Variants in SLC20A2 observed in about 807,000 individuals in gnomAD.
SLC20A2 encodes the protein solute carrier family 20 member 2.
In SLC20A2, 30 loss-of-function variants were observed where a neutral mutation model predicts 61.0. That is an observed-to-expected ratio of 0.49 (90% CI 0.37 to 0.67). SLC20A2 has a LOEUF of 0.67. Ranked by LOEUF, SLC20A2 falls within the 30% of genes least tolerant of loss-of-function variation. The pLI, the probability that SLC20A2 is intolerant of heterozygous loss-of-function variation, is 0.00. For synonymous variants in SLC20A2, 351 were observed against 353.3 expected (o/e 0.99, Z 0.07); for missense variants, 626 against 866.4 (o/e 0.72, Z 3.48).
At chr8:42,518,922 A>C (rs998547520) in intron 1 of SLC20A2, among the ~76,000 whole-genome samples, 2 of 152,248 alleles carry the variant, frequency 1.3e-5, no homozygotes, top group Non-Finnish European at 2.9e-5. Flanking sequence ...CTGAAGTTTA[A>C]ATGTGTCCAC....
chr8:42,491,420 G>A (rs917526602), intron 1 of SLC20A2, among the ~76,000 whole-genome samples: 3 of 151,970 alleles, frequency 2.0e-5, no homozygotes, highest in Admixed American at 6.6e-5. Context: ...CAGGAGAATC[G>A]CTTAAACCAG....
At chr8:42,461,027 C>T (rs1342675847) in intron 4 of SLC20A2, among the ~76,000 whole-genome samples, 1 of 152,200 alleles carries the variant, frequency 6.6e-6, no homozygotes, top group African/African-American at 2.4e-5. Flanking sequence ...GTTTGCAGAA[C>T]AGTACAGCCC....
chr8:42,525,357 G>A (rs1811853827), intron 1 of SLC20A2, among the ~76,000 whole-genome samples: 1 of 152,042 alleles, frequency 6.6e-6, no homozygotes, highest in East Asian at 1.9e-4. Flanking sequence ...CGAGGTGGGT[G>A]GATCACTTGA....
intron 1 of SLC20A2, among the ~76,000 whole-genome samples, chr8:42,531,678 C>T (rs1812329825): frequency 6.6e-6 from 1 of 152,142 alleles, no homozygotes; most frequent in Non-Finnish European, 1.5e-5. Flanking sequence ...AGCTTTCCCA[C>T]ACAAGAAACG....
chr8:42,467,712 G>A (rs747391286), intron 2 of SLC20A2, among the ~76,000 whole-genome samples: 3 of 152,136 alleles, frequency 2.0e-5, no homozygotes, highest in Admixed American at 1.3e-4. Flanking sequence ...TAAGGCGTGC[G>A]TTGGGAGGAG....
intron 10 of SLC20A2, among the ~76,000 whole-genome samples, chr8:42,424,705 T>C (rs1310870319): frequency 6.6e-6 from 1 of 152,212 alleles, no homozygotes; most frequent in Non-Finnish European, 1.5e-5. Flanking sequence ...TCACATAATA[T>C]AGTATGGTTT....
intron 4 of SLC20A2, among the ~76,000 whole-genome samples, chr8:42,461,679 T>A (rs1391039310): frequency 6.6e-6 from 1 of 152,132 alleles, no homozygotes; most frequent in African/African-American, 2.4e-5. Flanking sequence ...CTTGAACTCC[T>A]GACCTCAAGT....
intron 6 of SLC20A2, among the ~76,000 whole-genome samples, chr8:42,442,692 T>C (rs1202388240): frequency 6.6e-6 from 1 of 152,234 alleles, no homozygotes; most frequent in Non-Finnish European, 1.5e-5. Context: ...ACTTTCTACA[T>C]GAACTTTAAA....
intron 10 of SLC20A2, among the ~76,000 whole-genome samples, chr8:42,421,851 T>C (rs1316523984): frequency 6.7e-6 from 1 of 148,686 alleles, no homozygotes; most frequent in Non-Finnish European, 1.5e-5. Context: ...TTTTGGCTTA[T>C]ATCTCAACAG....
At chr8:42,450,619 G>A (rs1805571930) in intron 5 of SLC20A2, among the ~76,000 whole-genome samples, 2 of 151,938 alleles carry the variant, frequency 1.3e-5, no homozygotes, top group Admixed American at 6.6e-5. Flanking sequence ...CGCCTCCCAG[G>A]TCCAAGCAAT....
intron 1 of SLC20A2, among the ~76,000 whole-genome samples, chr8:42,517,827 A>C (rs1330721958): frequency 6.6e-6 from 1 of 152,198 alleles, no homozygotes; most frequent in Non-Finnish European, 1.5e-5. Context: ...GAAACTAAGA[A>C]ATCTGACCAA....
chr8:42,540,271 G>A (rs1201348827), intron 1 of SLC20A2, among the ~76,000 whole-genome samples: 2 of 152,126 alleles, frequency 1.3e-5, no homozygotes, highest in African/African-American at 4.8e-5. Context: ...CAGCCTGAAC[G>A]AGAGCAAAAC....
intron 1 of SLC20A2, among the ~76,000 whole-genome samples, chr8:42,520,028 T>TTG (rs1811549468): frequency 6.7e-6 from 1 of 148,702 alleles, no homozygotes; most frequent in Non-Finnish European, 1.5e-5. Flanking sequence ...TTTTTTTTTT[T>TTG]TTTAAGACAG....
At chr8:42,531,499 A>C (rs1812316481) in intron 1 of SLC20A2, among the ~76,000 whole-genome samples, 1 of 152,186 alleles carries the variant, frequency 6.6e-6, no homozygotes, top group South Asian at 2.1e-4. Flanking sequence ...GTTCACATAT[A>C]TTATAATAAT....
At chr8:42,533,667 T>TTTTTTTTTTC (rs1563555754) in intron 1 of SLC20A2, among the ~76,000 whole-genome samples, 1 of 125,094 alleles carries the variant, frequency 8.0e-6, no homozygotes, top group African/African-American at 3.2e-5. Context: ...TTTTTTTTTT[T>TTTTTTTTTTC]TTTTTTTTTG....
At chr8:42,502,797 T>C (rs1455030608), upstream of SLC20A2, among the ~76,000 whole-genome samples, 3 of 152,228 alleles carry the variant, frequency 2.0e-5, no homozygotes, top group South Asian at 6.2e-4. Context: ...ATGAACAGAA[T>C]TATTCTCAAT....
chr8:42,460,952 GA>G (rs1286027717), intron 4 of SLC20A2, among the ~76,000 whole-genome samples: 1 of 152,176 alleles, frequency 6.6e-6, no homozygotes, highest in Non-Finnish European at 1.5e-5. Context: ...GACAGCAGCA[GA>G]AGTATGGATA....
chr8:42,445,911 A>G (rs79554933), intron 5 of SLC20A2, among the ~76,000 whole-genome samples: 6,853 of 152,308 alleles, frequency 0.045, 230 homozygotes, highest in Non-Finnish European at 0.066. Flanking sequence ...CATGTGCCCT[A>G]ACCACATACA....
chr8:42,526,678 A>AG (rs1200084338), intron 1 of SLC20A2, among the ~76,000 whole-genome samples: 1 of 151,646 alleles, frequency 6.6e-6, no homozygotes, highest in African/African-American at 2.4e-5. Context: ...GTCTCAAAAA[A>AG]AAAAAAAGAA....
Sources: allele counts gnomAD v4.1 joint callset (sites outside exome capture counted in the v4.1 genomes callset), GRCh38; gene constraint gnomAD v4.1.1; transcripts MANE v1.5; gene names NCBI Gene and HGNC (gene_info 2026-07-23, HGNC 2026-07-21).